IKBKB: variants seen among roughly 807,000 people sequenced by gnomAD.
IKBKB encodes the protein inhibitor of nuclear factor kappa B kinase subunit beta, also known as inhibitor of nuclear factor kappa-B kinase subunit beta.
IKBKB carries 42 observed loss-of-function variants against 113.6 expected under a neutral mutation model. The observed-to-expected ratio is 0.37, with a 90% CI of 0.29 to 0.48. The LOEUF (loss-of-function observed/expected upper bound fraction) is 0.48. Ranked by LOEUF, IKBKB falls within the 20% of genes least tolerant of loss-of-function variation. The pLI, the probability that IKBKB is intolerant of heterozygous loss-of-function variation, is 0.99. For synonymous variants in IKBKB, 296 were observed against 361.3 expected, an observed-to-expected ratio of 0.82 and a Z score of 2.05; for missense variants, 673 against 939.7, an observed-to-expected ratio of 0.72 and a Z score of 3.71.
In IKBKB at chr8:42,316,618, A is replaced by G; in HGVS notation, c.931-92A>G. On this transcript the variant is annotated intron_variant, in intron 10 of 21. Transcript: ENST00000520810. This position sits in a 1 kb window ranked among gnomAD's most constrained non-coding sequence, Gnocchi z 4.5. Reference sequence around the variant, plus strand: ...GGCCCTTGCTTTGTGTGGTTGGGAAATGTTGGGAGTAGCAGAGAGAGGACC... The same window carrying G: ...GGCCCTTGCTTTGTGTGGTTGGGAAGTGTTGGGAGTAGCAGAGAGAGGACC... 2 of 1,235,828 alleles carry G rather than the reference A, an allele frequency of 1.6e-6. No individual in the cohort carries two copies. Among genetic ancestry groups the G allele is most frequent in the Admixed American group, 4.9e-5 (2 of 41,020 alleles). The allele number at this position is 1,235,828 out of a possible 1,614,324, so 76.6% of individuals were successfully genotyped here. A position where few individuals can be genotyped will look rare whatever the true frequency, so the allele number is the denominator to read the frequency against.
rs1353212769 is a variant in IKBKB, at chr8:42,290,267, C to T, written c.312C>T (p.Leu104=). The change falls in exon 4 of 22, where the codon CTC becomes CTT. Residue 104 remains leucine, a synonymous_variant. Coordinates refer to ENST00000520810, the MANE Select transcript of IKBKB (RefSeq NM_001556.3). ...LAMEYCQGGD[L]RKYLNQFENC... ...TGGAGTACTGCCAAGGAGGAGATCT[C>T]CGGAAGGTGAGGCTCCCACGGCTGC... The T allele has an allele frequency of 6.2e-7, 1 of 1,610,948 alleles. No individual in the cohort carries two copies.
rs147591709 is a variant in IKBKB, at chr8:42,308,946, T to C, written c.613T>C (p.Tyr205His). 7.3e-5 allele frequency: 118 copies of C among 1,614,074 alleles called. No homozygotes were observed. The highest frequency in any genetic ancestry group is 9.2e-5 in the Non-Finnish European group (109 of 1,180,020). Residue 205 changes from tyrosine (Y) to histidine (H), a missense_variant, in exon 8 of 22, where the codon TAC becomes CAC. Around this residue, in one of 2 missense-constraint regions of IKBKB, gnomAD observed 167 missense variants for 301.0 expected, o/e 0.55. Coordinates refer to ENST00000520810, the MANE Select transcript of IKBKB (RefSeq NM_001556.3). ...GCAGAAGTACACAGTGACCGTCGAC[T>C]ACTGGAGCTTCGGCACCCTGGCCTT... ...EQQKYTVTVDYWSFGTLAFEC... is the reference protein window; with the variant it reads ...EQQKYTVTVDHWSFGTLAFEC...
chr8:42,328,639 A>G (rs1305970522), intron 20 of IKBKB, among the ~76,000 whole-genome samples: 1 of 152,196 alleles, frequency 6.6e-6, no homozygotes, highest in Non-Finnish European at 1.5e-5. Context: ...TCCTCAGAGG[A>G]AACATGGGTT....
rs116391479 is a variant in IKBKB at position 42,319,001 on chromosome 8, C to T, written c.1365-269C>T. On this transcript the variant is annotated intron_variant, in intron 13 of 21. Transcript: ENST00000520810. ...CCCTGACCGTGCTGCTGGGGACTTA[C>T]GGACTCTTTCCTCATTGTGACTCGT... The T allele has an allele frequency of 1.4e-3, 787 of 552,578 alleles. 6 individuals carry two copies. The highest frequency in any genetic ancestry group is 0.012 in the African/African-American group (629 of 53,208). 34.2% of individuals were successfully genotyped at this position (552,578 alleles called of 1,614,324 possible).
intron 5 of IKBKB, among the ~76,000 whole-genome samples, chr8:42,304,281 CTATT>C (rs988392115): frequency 2.0e-5 from 3 of 152,190 alleles, no homozygotes; most frequent in Admixed American, 6.5e-5. Context: ...CATTTCAGTA[CTATT>C]TATTTCATTT....
chr8:42,273,635 T>C (rs986801546), intron 2 of IKBKB, among the ~76,000 whole-genome samples: 2 of 151,904 alleles, frequency 1.3e-5, no homozygotes, highest in African/African-American at 4.8e-5. Context: ...CAAACTCTCA[T>C]CCTCAAGCAG....
chr8:42,283,486 A>C (rs1365562024), intron 2 of IKBKB, among the ~76,000 whole-genome samples: 1 of 152,206 alleles, frequency 6.6e-6, no homozygotes, highest in Non-Finnish European at 1.5e-5. Context: ...TGGGAGAAGG[A>C]GGCAGCAGAG....
chr8:42,317,719 C>G lies in IKBKB; in HGVS notation c.1188C>G (p.Thr396=), dbSNP rs1446558773. 6.2e-7 allele frequency: 1 copy of G among 1,614,052 alleles called. No individual in the cohort carries two copies. Among genetic ancestry groups the G allele is most frequent in the Non-Finnish European group, 8.5e-7 (1 of 1,179,910 alleles). The change falls in exon 12 of 22, where the codon ACC becomes ACG. Residue 396 remains threonine (T), a synonymous_variant. Coordinates refer to ENST00000520810, the MANE Select transcript of IKBKB (RefSeq NM_001556.3). The part of the protein sequence containing the change: ...LVFLFDNSKI[T]YETQISPRPQ... Reference sequence around the variant, plus strand: ...TTCTCTTTGACAACAGTAAAATCACCTATGAGACTCAGATCTCCCCACGGC... The same window carrying G: ...TTCTCTTTGACAACAGTAAAATCACGTATGAGACTCAGATCTCCCCACGGC...
Position 42,331,038 on chromosome 8 carries a change from G to C in IKBKB, c.*59G>C. ...CCCATAGCAGGCCTTGTGCAGTGGGGGGACTCGACCCCCTGACATGGGGCT... is the reference window on the plus strand; with the variant it reads ...CCCATAGCAGGCCTTGTGCAGTGGGCGGACTCGACCCCCTGACATGGGGCT... On this transcript the variant is annotated 3_prime_UTR_variant, in exon 22 of 22. Transcript: ENST00000520810. 1 of 1,595,966 alleles carries C rather than the reference G, an allele frequency of 6.3e-7. No individual in the cohort carries two copies. The highest frequency in any genetic ancestry group is 1.7e-5 in the Admixed American group (1 of 59,428).
intron 9 of IKBKB, among the ~76,000 whole-genome samples, chr8:42,314,680 C>T (rs1042791803): frequency 4.0e-5 from 6 of 150,900 alleles, no homozygotes; most frequent in Non-Finnish European, 5.9e-5. Context: ...GAGGCTAAGG[C>T]AGGAGAATCA....
intron 8 of IKBKB, chr8:42,309,317 A>G: frequency 4.3e-6 from 2 of 460,236 alleles, no homozygotes; most frequent in South Asian, 2.3e-5. Context: ...AGACTATTGT[A>G]TGAATATACG....
At chr8:42,293,660 G>A in intron 5 of IKBKB, 148 bp downstream of exon 5, 1 of 1,364,200 alleles carries the variant, frequency 7.3e-7, no homozygotes, top group South Asian at 1.3e-5. Context: ...GACCCTGGTG[G>A]AGTAGGGAGG....
rs1563290444 is a variant in IKBKB, at chr8:42,274,784, G to GC, written c.105+2580dup. 1.9e-4 allele frequency among the ~76,000 whole-genome samples: 8 copies of GC among 41,720 alleles called. 1 individual carries two copies. The highest frequency in any genetic ancestry group is 8.4e-4 in the South Asian group (1 of 1,190). 27.4% of individuals were successfully genotyped at this position (41,720 alleles called of 152,430 possible). A position where few individuals can be genotyped will look rare whatever the true frequency, so the allele number is the denominator to read the frequency against. ...CTGAACTTAGGTGATCCCCGCCGGCGCGCCCCCCCCCCCCCCCGCCATCCC... is the reference window on the plus strand; with the variant it reads ...CTGAACTTAGGTGATCCCCGCCGGCGCCGCCCCCCCCCCCCCCCGCCATCCC... On this transcript the variant is annotated intron_variant, in intron 2 of 21. Coordinates refer to ENST00000520810, the MANE Select transcript of IKBKB (RefSeq NM_001556.3).
At position 42,282,260 on chromosome 8, in the gene IKBKB, C is replaced by T. The variant is rs150689933; in HGVS notation, c.106-6374C>T. ...GTGCAGCAGCATGATCACAGCTCAA[C>T]GCAGGTCTCGCTCTATTGCCCAGCC... On this transcript the variant is annotated intron_variant, in intron 2 of 21. Transcript: ENST00000520810. Among the ~76,000 whole-genome samples, 1,427 of 152,268 alleles carry T rather than the reference C, an allele frequency of 9.4e-3. 7 individuals carry two copies. Among genetic ancestry groups the T allele is most frequent in the Non-Finnish European group, 0.016 (1,063 of 68,028 alleles).
intron 5 of IKBKB, chr8:42,298,181 C>G: frequency 1.0e-6 from 1 of 985,424 alleles, no homozygotes; most frequent in Non-Finnish European, 1.2e-6. Flanking sequence ...TCTGGGCACT[C>G]AAGATTGCAG....
Position 42,290,188 on chromosome 8 carries a change from A to T in IKBKB, c.233A>T (p.Asp78Val), listed in dbSNP as rs1227005284. Residue 78 changes from aspartate (D) to valine (V), a missense_variant, in exon 4 of 22, where the codon GAT (aspartate) becomes GTT (valine). Asp to Val is a radical substitution (Grantham distance 152). This residue lies in a region of IKBKB where 167 missense variants were observed against 301.0 expected (regional missense o/e 0.55). Coordinates refer to ENST00000520810, the MANE Select transcript of IKBKB (RefSeq NM_001556.3). ...LTHPNVVAAR[D>V]VPEGMQNLAP... ...CACCCCAATGTGGTGGCTGCCCGAG[A>T]TGTCCCTGAGGGGATGCAGAACTTG... 1 of 1,613,794 alleles carries T rather than the reference A, an allele frequency of 6.2e-7. No individual in the cohort carries two copies. Among genetic ancestry groups the T allele is most frequent in the Admixed American group, 1.7e-5 (1 of 59,986 alleles).
chr8:42,291,735 G>A (rs1342272301), intron 4 of IKBKB, among the ~76,000 whole-genome samples: 1 of 152,118 alleles, frequency 6.6e-6, no homozygotes, highest in Non-Finnish European at 1.5e-5. Flanking sequence ...AGACCAGCCT[G>A]GGCAACATAC....
chr8:42,326,043 T>C lies in IKBKB; in HGVS notation c.2060T>C (p.Leu687Pro). 1 of 1,614,246 alleles carries C rather than the reference T, an allele frequency of 6.2e-7. No homozygotes were observed. Among genetic ancestry groups the C allele is most frequent in the Non-Finnish European group, 8.5e-7 (1 of 1,180,040 alleles). Residue 687 changes from leucine (L) to proline (P), a missense_variant, in exon 20 of 22, where the codon CTG becomes CCG. Physicochemically the swap from Leu to Pro is moderately conservative, Grantham distance 98. Transcript: ENST00000520810. The part of the protein sequence containing the change: ...NASRLSQPGQ[L>P]MSQPSTASNS... Reference sequence around the variant, plus strand: ...TCTCGACTTAGCCAGCCTGGGCAGCTGATGTCTCAGCCCTCCACGGCCTCC... The same window carrying C: ...TCTCGACTTAGCCAGCCTGGGCAGCCGATGTCTCAGCCCTCCACGGCCTCC...
Position 42,317,639 on chromosome 8 carries a change from G to C in IKBKB, c.1126-18G>C, listed in dbSNP as rs565261469. ...GGGTTGGATCCACAAGATTCATTTT[G>C]TCCTTGTCCCTTTGCAGTTAAATGA... On this transcript the variant is annotated intron_variant, in intron 11 of 21. Transcript: ENST00000520810. The C allele has an allele frequency of 1.3e-6, 2 of 1,489,946 alleles. No homozygotes were observed. The highest frequency in any genetic ancestry group is 1.9e-6 in the Non-Finnish European group (2 of 1,066,744). 92.3% of individuals were successfully genotyped at this position (1,489,946 alleles called of 1,614,324 possible).
Sources: allele counts gnomAD v4.1 joint callset (sites outside exome capture counted in the v4.1 genomes callset), GRCh38; gene constraint gnomAD v4.1.1; regional missense constraint gnomAD v4.1.1; non-coding constraint Gnocchi (gnomAD v3.1); transcripts MANE v1.5; gene names NCBI Gene and HGNC (gene_info 2026-07-23, HGNC 2026-07-21).